LRRC4C: variants seen among roughly 807,000 people sequenced by gnomAD.
LRRC4C encodes the protein leucine rich repeat containing 4C, also known as leucine-rich repeat-containing protein 4C.
A neutral mutation model predicts 33.6 loss-of-function variants in LRRC4C; 5 were observed. The observed-to-expected ratio is 0.15, with a 90% CI of 0.08 to 0.31. LRRC4C has a LOEUF of 0.31. Among genes scored for constraint, LRRC4C ranks in the 10% least tolerant of loss-of-function variants. The probability of loss-of-function intolerance (pLI) is 1.00; values close to 1 mark genes in which losing one functional copy is unlikely to be tolerated. For synonymous variants in LRRC4C, 329 were observed against 302.0 expected (o/e 1.09, Z -0.93); for missense variants, 560 against 796.7 (o/e 0.70, Z 3.58).
chr11:40,218,619 TATGTATGTATGTATG>T (rs1565148545), intron 5 of LRRC4C, among the ~76,000 whole-genome samples: 17 of 140,038 alleles, frequency 1.2e-4, no homozygotes, highest in South Asian at 7.0e-4. Context: ...TGTATGTATG[TATGTATGTATGTATG>T]TATCTATTTA....
intron 1 of LRRC4C, among the ~76,000 whole-genome samples, chr11:40,950,581 T>C (rs1425691566): frequency 1.3e-5 from 2 of 152,132 alleles, no homozygotes; most frequent in Non-Finnish European, 2.9e-5. Context: ...CCTTTGTGTA[T>C]ACATGGAAAC....
chr11:40,156,946 C>T (rs113257565), intron 5 of LRRC4C, among the ~76,000 whole-genome samples: 44,154 of 151,840 alleles, frequency 0.29, 6,734 homozygotes, highest in Non-Finnish European at 0.34. Flanking sequence ...AAAAAGAGCC[C>T]GTATAGCCAA....
chr11:40,996,626 T>C (rs1445274548), intron 1 of LRRC4C, among the ~76,000 whole-genome samples: 1 of 152,102 alleles, frequency 6.6e-6, no homozygotes, highest in East Asian at 1.9e-4. Flanking sequence ...AAGTAATTTA[T>C]AAAGGAAAGA....
intron 1 of LRRC4C, among the ~76,000 whole-genome samples, chr11:41,368,109 T>C (rs1337185915): frequency 6.6e-6 from 1 of 152,204 alleles, no homozygotes; most frequent in Non-Finnish European, 1.5e-5. Context: ...ATCAGAGTAC[T>C]CAGATTTCAG....
chr11:40,514,702 T>C (rs755207600), intron 3 of LRRC4C, among the ~76,000 whole-genome samples: 4 of 152,124 alleles, frequency 2.6e-5, no homozygotes, highest in African/African-American at 4.8e-5. Flanking sequence ...TTATATGTTG[T>C]TGTGTAGTTC....
chr11:40,915,757 G>A (rs187275745), intron 2 of LRRC4C, among the ~76,000 whole-genome samples: 1 of 152,184 alleles, frequency 6.6e-6, no homozygotes, highest in Non-Finnish European at 1.5e-5. Context: ...GAGTGAACAG[G>A]CAACCTACAG....
At chr11:40,138,898 A>G (rs1027319413) in intron 6 of LRRC4C, among the ~76,000 whole-genome samples, 10 of 152,248 alleles carry the variant, frequency 6.6e-5, no homozygotes, top group African/African-American at 2.4e-4. Context: ...GATACACAGA[A>G]TACAAACTTT....
intron 1 of LRRC4C, among the ~76,000 whole-genome samples, chr11:41,086,130 A>G (rs572170071): frequency 5.2e-4 from 79 of 152,172 alleles, no homozygotes; most frequent in African/African-American, 1.9e-3. Flanking sequence ...ACAATTTTAA[A>G]TTTACTCTTC....
intron 4 of LRRC4C, among the ~76,000 whole-genome samples, chr11:40,271,369 C>G (rs527890748): frequency 6.6e-6 from 1 of 152,100 alleles, no homozygotes; most frequent in African/African-American, 2.4e-5. Context: ...AAGAGTTAAA[C>G]GAATTTCGCT....
chr11:40,322,348 G>A (rs1040406271), intron 3 of LRRC4C, among the ~76,000 whole-genome samples: 1 of 151,958 alleles, frequency 6.6e-6, no homozygotes, highest in East Asian at 1.9e-4. Flanking sequence ...TGGGTTCAAG[G>A]GATCCTCCTG....
intron 3 of LRRC4C, among the ~76,000 whole-genome samples, chr11:40,434,054 T>C (rs932383991): frequency 6.6e-6 from 1 of 152,200 alleles, no homozygotes; most frequent in East Asian, 1.9e-4. Flanking sequence ...TTCTTATTTT[T>C]AAAATTTCCT....
intron 3 of LRRC4C, among the ~76,000 whole-genome samples, chr11:40,504,105 C>G (rs943385413): frequency 4.6e-5 from 7 of 152,042 alleles, no homozygotes; most frequent in African/African-American, 1.7e-4. Context: ...TTTTCACCCA[C>G]AATTCCAAAA....
intron 2 of LRRC4C, among the ~76,000 whole-genome samples, chr11:40,841,019 A>G (rs1299721028): frequency 6.6e-6 from 1 of 152,202 alleles, no homozygotes; most frequent in Non-Finnish European, 1.5e-5. Flanking sequence ...CACTGATTAC[A>G]TATGGAAGTT....
At chr11:40,819,898 A>G (rs1474983297) in intron 2 of LRRC4C, among the ~76,000 whole-genome samples, 1 of 152,068 alleles carries the variant, frequency 6.6e-6, no homozygotes, top group African/African-American at 2.4e-5. Context: ...ATCAAGAATT[A>G]ATTTTAAAAC....
intron 1 of LRRC4C, among the ~76,000 whole-genome samples, chr11:41,208,300 C>T (rs779686082): frequency 2.6e-5 from 4 of 152,108 alleles, no homozygotes; most frequent in Non-Finnish European, 5.9e-5. Context: ...GTTGAAGTTA[C>T]GGCTTAGTTT....
At chr11:40,885,340 C>A (rs926698866) in intron 2 of LRRC4C, among the ~76,000 whole-genome samples, 5 of 151,996 alleles carry the variant, frequency 3.3e-5, no homozygotes, top group African/African-American at 1.2e-4. Flanking sequence ...CGATAAGGAG[C>A]AAGATCTAAG....
intron 2 of LRRC4C, among the ~76,000 whole-genome samples, chr11:40,671,456 A>C (rs1431191082): frequency 6.6e-6 from 1 of 152,110 alleles, no homozygotes; most frequent in African/African-American, 2.4e-5. Flanking sequence ...AGATAGAGAA[A>C]AGTTGCTTCT....
chr11:40,858,036 G>A (rs1219040386), intron 2 of LRRC4C, among the ~76,000 whole-genome samples: 3 of 150,586 alleles, frequency 2.0e-5, no homozygotes, highest in East Asian at 3.9e-4. Context: ...GGGAAGGGAA[G>A]GGAAGGGAAG....
At chr11:40,403,252 C>T (rs1270385995) in intron 3 of LRRC4C, among the ~76,000 whole-genome samples, 2 of 152,106 alleles carry the variant, frequency 1.3e-5, no homozygotes, top group Non-Finnish European at 2.9e-5. Flanking sequence ...GTTATGATAG[C>T]CTGTGGCCCC....
Sources: gnomAD v4.1 joint callset for allele counts (sites outside exome capture counted in the v4.1 genomes callset) on GRCh38, gnomAD v4.1.1 for gene constraint, MANE v1.5 for transcripts, NCBI Gene and HGNC (gene_info 2026-07-23, HGNC 2026-07-21) for gene names.